RASEF: variants seen among roughly 807,000 people sequenced by gnomAD.
The protein encoded by RASEF is ras and EF-hand domain-containing protein.
Under a neutral mutation model 90.1 loss-of-function variants are expected in RASEF, and 68 were observed. The observed-to-expected ratio is 0.75, with a 90% CI of 0.62 to 0.92. The LOEUF (loss-of-function observed/expected upper bound fraction) is 0.92. Ranked by LOEUF, RASEF falls within the 40% of genes least tolerant of loss-of-function variation. The probability of loss-of-function intolerance (pLI) is 0.00; values close to 1 mark genes in which losing one functional copy is unlikely to be tolerated. For missense variants in RASEF, 949 were observed against 937.2 expected (o/e 1.01, Z -0.16); for synonymous variants, 331 against 345.2 (o/e 0.96, Z 0.46).
At chr9:83,009,294 T>C (rs1460471143) in intron 6 of RASEF, among the ~76,000 whole-genome samples, 1 of 152,102 alleles carries the variant, frequency 6.6e-6, no homozygotes, top group East Asian at 1.9e-4. Context: ...AAAATAGACT[T>C]GCCTACTTTT....
At chr9:83,131,301 T>C in the RASEF span, among the ~76,000 whole-genome samples, 1 of 152,170 alleles carries the variant, frequency 6.6e-6, no homozygotes, top group Admixed American at 6.5e-5. Context: ...TTATTTTGCA[T>C]CTGAGGGCAA....
intron 3 of RASEF, among the ~76,000 whole-genome samples, chr9:83,020,891 C>G (rs943205470): frequency 6.6e-6 from 1 of 152,182 alleles, no homozygotes; most frequent in Non-Finnish European, 1.5e-5. Context: ...AATGATTTCA[C>G]TCTTTCCTTT....
chr9:83,038,533 C>T (rs1339207755), intron 1 of RASEF, among the ~76,000 whole-genome samples: 1 of 152,102 alleles, frequency 6.6e-6, no homozygotes, highest in African/African-American at 2.4e-5. Flanking sequence ...AAAAGTACCA[C>T]TAATTCTGGC....
chr9:83,011,926 A>C (rs1400396454), intron 5 of RASEF, among the ~76,000 whole-genome samples: 1 of 152,192 alleles, frequency 6.6e-6, no homozygotes, highest in African/African-American at 2.4e-5. Flanking sequence ...AATATTTAGA[A>C]TCATAAGAAA....
At chr9:83,048,108 A>G (rs545801240) in intron 1 of RASEF, 153 of 985,318 alleles carry the variant, frequency 1.6e-4, no homozygotes, top group Admixed American at 6.8e-4. Flanking sequence ...TCACTGGGTC[A>G]GCATTACCTG....
chr9:83,091,815 T>C, the RASEF span, among the ~76,000 whole-genome samples: 6 of 152,098 alleles, frequency 3.9e-5, no homozygotes, highest in African/African-American at 1.4e-4. Flanking sequence ...AGTCAAACAA[T>C]GGCAATTCTT....
chr9:83,080,622 T>A, the RASEF span, among the ~76,000 whole-genome samples: 1 of 152,334 alleles, frequency 6.6e-6, no homozygotes, highest in Non-Finnish European at 1.5e-5. Context: ...GTAAGAAATC[T>A]ATGCCTCTCA....
At chr9:83,001,897 C>T (rs998119) in intron 9 of RASEF, among the ~76,000 whole-genome samples, 79,160 of 151,966 alleles carry the variant, frequency 0.52, 20,816 homozygotes, top group East Asian at 0.73. Context: ...CTCTGGGAGA[C>T]GTTTCATAGG....
chr9:83,126,082 T>C, the RASEF span, among the ~76,000 whole-genome samples: 3 of 152,336 alleles, frequency 2.0e-5, no homozygotes, highest in East Asian at 5.8e-4. Flanking sequence ...TTAGCATTCA[T>C]ATCCCTTGTT....
At chr9:83,203,422 C>G in the RASEF span, among the ~76,000 whole-genome samples, 1 of 151,942 alleles carries the variant, frequency 6.6e-6, no homozygotes, top group Non-Finnish European at 1.5e-5. Context: ...ATTACAGGCA[C>G]TCACCACAAT....
chr9:83,024,449 G>A (rs1829503193), intron 2 of RASEF, among the ~76,000 whole-genome samples: 1 of 152,116 alleles, frequency 6.6e-6, no homozygotes, highest in Non-Finnish European at 1.5e-5. Context: ...GTACCTATGA[G>A]TTTGTCTGTT....
chr9:83,004,415 T>TTTTATTCTATTA (rs71363081), intron 9 of RASEF, 83 bp downstream of exon 9: 363,957 of 747,548 alleles, frequency 0.49, 90,876 homozygotes, highest in East Asian at 0.72. Context: ...TATTCTATTA[T>TTTTATTCTATTA]TTTAATCCAC....
At chr9:83,168,932 A>T in the RASEF span, among the ~76,000 whole-genome samples, 1 of 152,026 alleles carries the variant, frequency 6.6e-6, no homozygotes, top group African/African-American at 2.4e-5. Context: ...ACTGGATTTT[A>T]TTCCTTCTAT....
chr9:83,000,068 G>A (rs1356493950), intron 12 of RASEF, 101 bp downstream of exon 12: 1 of 1,075,340 alleles, frequency 9.3e-7, no homozygotes, highest in Non-Finnish European at 1.4e-6. Flanking sequence ...CAGAGAAAGA[G>A]AAAACTGTTA....
rs73467522 is a variant in RASEF at position 82,982,461 on chromosome 9, T to C, written c.*216A>G. 10,683 of 461,052 alleles carry C rather than the reference T, an allele frequency of 0.023. 266 individuals are homozygous for C. The highest frequency in any genetic ancestry group is 0.064 in the South Asian group (2,158 of 33,474). The allele number at this position is 461,052 out of a possible 1,614,324, so 28.6% of individuals were successfully genotyped here. ...CTTTTAAGACCTGTAAGGACATGAC[T>C]AGTCTATTTAGCCAGAGGGCCCAAA... On this transcript the variant is annotated 3_prime_UTR_variant, in exon 17 of 17. Transcript: ENST00000376447.
chr9:83,161,607 G>T, the RASEF span, among the ~76,000 whole-genome samples: 3 of 152,012 alleles, frequency 2.0e-5, no homozygotes, highest in Non-Finnish European at 4.4e-5. Context: ...ATGCTGAAAT[G>T]AGTTAAGAAT....
chr9:83,128,317 C>T, the RASEF span, among the ~76,000 whole-genome samples: 5 of 152,120 alleles, frequency 3.3e-5, no homozygotes, highest in East Asian at 9.7e-4. Context: ...TGGGTAAATC[C>T]TCAGACTGGA....
chr9:83,025,756 A>AT lies in RASEF; in HGVS notation c.578+18_578+19insA. The stretch of plus-strand genomic sequence containing the variant: ...GTTAAAGCACCCACAGGCCACTTAT[A>AT]AAGGAAGGACTTCAATACCTCTTCA... On this transcript the variant is annotated intron_variant, in intron 2 of 16. Transcript: ENST00000376447. The AT allele has an allele frequency of 2.5e-6, 4 of 1,610,962 alleles. No individual in the cohort carries two copies. The highest frequency in any genetic ancestry group is 3.4e-6 in the Non-Finnish European group (4 of 1,178,660).
chr9:83,179,454 A>T, the RASEF span, among the ~76,000 whole-genome samples: 1 of 152,136 alleles, frequency 6.6e-6, no homozygotes, highest in Non-Finnish European at 1.5e-5. Context: ...CTATTTATTT[A>T]TATCAAGGAA....
Sources: allele counts gnomAD v4.1 joint callset (sites outside exome capture counted in the v4.1 genomes callset), GRCh38; gene constraint gnomAD v4.1.1; transcripts MANE v1.5; gene names NCBI Gene and HGNC (gene_info 2026-07-23, HGNC 2026-07-21).